PTBP1: variants seen among roughly 807,000 people sequenced by gnomAD.
PTBP1 encodes polypyrimidine tract binding protein 1.
A neutral mutation model predicts 59.8 loss-of-function variants in PTBP1; 8 were observed. That is an observed-to-expected ratio of 0.13 (90% CI 0.08 to 0.24). The LOEUF (loss-of-function observed/expected upper bound fraction) is 0.24. Among genes scored for constraint, PTBP1 ranks in the 10% least tolerant of loss-of-function variants. PTBP1 has a pLI of 1.00. For synonymous variants in PTBP1, 490 were observed against 320.7 expected (o/e 1.53, Z -5.64); for missense variants, 686 against 767.0 (o/e 0.89, Z 1.25).
chr19:805,021 C>G lies in PTBP1; in HGVS notation c.726C>G (p.Asp242Glu), dbSNP rs754600468. Residue 242 changes from aspartate to glutamate, a missense_variant, in exon 8 of 15, where the codon GAC becomes GAG. By Grantham distance (45) the Asp-to-Glu change is conservative. Transcript: ENST00000356948. ...VSAQHAKLSL[D>E]GQNIYNACCT... ...GGTCCCTCTCCCCTCAGTCGCTGGA[C>G]GGGCAGAACATCTACAACGCCTGCT... The G allele has an allele frequency of 1.2e-6, 2 of 1,613,580 alleles. No homozygotes were observed. Among genetic ancestry groups the G allele is most frequent in the Admixed American group, 3.3e-5 (2 of 60,002 alleles).
rs959939008 is a variant in PTBP1 at position 804,029 on chromosome 19, T to C, written c.116-7T>C. 6 of 1,613,740 alleles carry C rather than the reference T, an allele frequency of 3.7e-6. No homozygotes were observed. In the African/African-American group the frequency reaches 6.7e-5, roughly 18 times the overall value. ...GGTGCCTGCATCTCATGGCACCCCCTTTTCAGCAAACGGAAATGACAGCAA... is the reference window on the plus strand; with the variant it reads ...GGTGCCTGCATCTCATGGCACCCCCCTTTCAGCAAACGGAAATGACAGCAA... On this transcript the variant is annotated splice_region_variant and splice_polypyrimidine_tract_variant and intron_variant, in intron 3 of 14. Transcript: ENST00000356948.
In PTBP1 at chr19:810,525, G is replaced by T; in HGVS notation, c.1464-18G>T. 2 of 1,611,522 alleles carry T rather than the reference G, an allele frequency of 1.2e-6. No homozygotes were observed. Among genetic ancestry groups the T allele is most frequent in the South Asian group, 1.1e-5 (1 of 90,808 alleles). On this transcript the variant is annotated intron_variant, in intron 13 of 14. Transcript: ENST00000356948. ...CACCCCCACGCGGCCCCAGGCTCAC[G>T]CCTTTCTCCTCCCACAGGCCCTCAG...
intron 2 of PTBP1, among the ~76,000 whole-genome samples, chr19:803,279 G>A (rs2034417003): frequency 6.6e-6 from 1 of 152,222 alleles, no homozygotes; most frequent in African/African-American, 2.4e-5. Context: ...TGTACGTGGT[G>A]CCCTCCGTAG....
In PTBP1 at chr19:804,031, T is replaced by C. The variant is rs1444163054; in HGVS notation, c.116-5T>C. ...TGCCTGCATCTCATGGCACCCCCTT[T>C]TCAGCAAACGGAAATGACAGCAAGA... is the stretch of plus-strand genomic sequence containing the variant. On this transcript the variant is annotated splice_region_variant and splice_polypyrimidine_tract_variant and intron_variant, in intron 3 of 14. Coordinates refer to ENST00000356948, the MANE Select transcript of PTBP1 (RefSeq NM_002819.5). The C allele has an allele frequency of 1.2e-6, 2 of 1,613,916 alleles. No individual in the cohort carries two copies. The highest frequency in any genetic ancestry group is 1.7e-6 in the Non-Finnish European group (2 of 1,179,976).
chr19:808,677 C>T lies in PTBP1; in HGVS notation c.1378C>T (p.Pro460Ser), dbSNP rs1199548001. The T allele has an allele frequency of 3.7e-6, 6 of 1,612,768 alleles. No individual in the cohort carries two copies. Among genetic ancestry groups the T allele is most frequent in the Middle Eastern group, 1.8e-4 (1 of 5,512 alleles). The change falls in exon 13 of 15, where the codon CCC (proline) becomes TCC (serine). Residue 460 changes from proline (P) to serine (S), a missense_variant. Physicochemically the swap from Pro to Ser is moderately conservative, Grantham distance 74. Transcript: ENST00000356948. This position sits in a 1 kb window ranked among gnomAD's most constrained non-coding sequence, Gnocchi z 4.7. Reference sequence around the variant, plus strand: ...CCTGACCAAGGACTACGGCAACTCACCCCTGCACCGCTTCAAGAAGCCGGG... The same window carrying T: ...CCTGACCAAGGACTACGGCAACTCATCCCTGCACCGCTTCAAGAAGCCGGG... Reference protein sequence around the residue: ...QGLTKDYGNSPLHRFKKPGSK... With the variant: ...QGLTKDYGNSSLHRFKKPGSK...
At chr19:803,264 G>GA (rs1476981873) in intron 2 of PTBP1, among the ~76,000 whole-genome samples, 1 of 152,214 alleles carries the variant, frequency 6.6e-6, no homozygotes, top group African/African-American at 2.4e-5. Flanking sequence ...TGGCCGTGGA[G>GA]ATAGTGTACG....
chr19:797,838 C>G (rs2034140593), intron 1 of PTBP1, among the ~76,000 whole-genome samples: 1 of 148,762 alleles, frequency 6.7e-6, no homozygotes, highest in Non-Finnish European at 1.5e-5. Flanking sequence ...CTTCCCGCTT[C>G]CCGTCCGGCC....
Position 808,407 on chromosome 19 carries a change from G to A in PTBP1, c.1201G>A (p.Glu401Lys), listed in dbSNP as rs746940924. 1 of 1,607,560 alleles carries A rather than the reference G, an allele frequency of 6.2e-7. No homozygotes were observed. The highest frequency in any genetic ancestry group is 8.5e-7 in the Non-Finnish European group (1 of 1,178,160). Residue 401 changes from glutamate to lysine, a missense_variant, in exon 12 of 15, where the codon GAG becomes AAG. Transcript: ENST00000356948. The surrounding 1 kb of genome is among the most constrained non-coding windows in gnomAD (Gnocchi z 4.7). ...CGTGAAGATCCTGTTCAATAAGAAG[G>A]AGAACGCCCTAGTGCAGATGGCGGA... ...QRVKILFNKK[E>K]NALVQMADGN...
Position 804,612 on chromosome 19 carries a change from C to T in PTBP1, c.516C>T (p.Asp172=), listed in dbSNP as rs4986235. The change falls in exon 6 of 15, where the codon GAC becomes GAT. Residue 172 remains aspartate, a synonymous_variant. Transcript: ENST00000356948. ...TGGCTGCCTCGGCGGCGGCCGTGGA[C>T]GCAGGGATGGCGATGGCCGGGCAGA... ...LALAASAAAV[D]AGMAMAGQSP... The T allele has an allele frequency of 0.089, 143,911 of 1,612,380 alleles. 7,066 individuals carry two copies. Among genetic ancestry groups the T allele is most frequent in the Middle Eastern group, 0.16 (970 of 6,058 alleles).
chr19:806,441 C>G lies in PTBP1; in HGVS notation c.1004C>G (p.Ala335Gly). ...GTTCCGAACGTCCACGGCGCCCTGG[C>G]CCCCCTGGCCATCCCCTCGGCGGCG... ...LSVPNVHGAL[A>G]PLAIPSAAAA... is the part of the protein sequence containing the mutation. Residue 335 changes from alanine (A) to glycine (G), a missense_variant, in exon 10 of 15, where the codon GCC becomes GGC. Physicochemically the swap from Ala to Gly is moderately conservative, Grantham distance 60. Transcript: ENST00000356948. 1 of 1,601,100 alleles carries G rather than the reference C, an allele frequency of 6.2e-7. No homozygotes were observed. The highest frequency in any genetic ancestry group is 8.5e-7 in the Non-Finnish European group (1 of 1,174,068).
At chr19:801,266 A>AGGCCCAGCTC (rs2034320160) in intron 2 of PTBP1, among the ~76,000 whole-genome samples, 1 of 152,204 alleles carries the variant, frequency 6.6e-6, no homozygotes, top group Non-Finnish European at 1.5e-5. Context: ...TGGAGGCGCT[A>AGGCCCAGCTC]GGCCCAGCTC....
chr19:805,051 G>T lies in PTBP1; in HGVS notation c.756G>T (p.Thr252=), dbSNP rs776111976. The change falls in exon 8 of 15, where the codon ACG becomes ACT. Residue 252 remains threonine (T), a synonymous_variant. Transcript: ENST00000356948. ...DGQNIYNACC[T]LRIDFSKLTS... ...AGAACATCTACAACGCCTGCTGCAC[G>T]CTGCGCATCGACTTTTCCAAGCTCA... 36 of 1,613,684 alleles carry T rather than the reference G, an allele frequency of 2.2e-5. No individual in the cohort carries two copies. The highest frequency in any genetic ancestry group is 2.9e-5 in the Non-Finnish European group (34 of 1,179,866).
intron 8 of PTBP1, 62 bp downstream of exon 8, chr19:805,249 G>A (rs181418651): frequency 6.4e-6 from 10 of 1,572,940 alleles, no homozygotes; most frequent in East Asian, 2.2e-5. Flanking sequence ...GCTCAGTCCG[G>A]AGCCCCGGCG....
chr19:810,916 C>G lies in PTBP1; in HGVS notation c.*90C>G. On this transcript the variant is annotated 3_prime_UTR_variant, in exon 15 of 15. Coordinates refer to ENST00000356948, the MANE Select transcript of PTBP1 (RefSeq NM_002819.5). ...TTAAAAACAGCTGAAGTGACCTTAG[C>G]AGACCAGAGATTTTATTTTTTTAAA... The G allele has an allele frequency of 8.1e-7, 1 of 1,238,008 alleles. No homozygotes were observed. The highest frequency in any genetic ancestry group is 1.1e-6 in the Non-Finnish European group (1 of 921,622). The allele number at this position is 1,238,008 out of a possible 1,614,324, so 76.7% of individuals were successfully genotyped here.
At chr19:800,034 C>T (rs2034261785) in intron 2 of PTBP1, among the ~76,000 whole-genome samples, 1 of 151,826 alleles carries the variant, frequency 6.6e-6, no homozygotes, top group Non-Finnish European at 1.5e-5. Context: ...TCAAGCGATT[C>T]TCCTGCCTCA....
chr19:801,174 C>T (rs1425837879), intron 2 of PTBP1, among the ~76,000 whole-genome samples: 1 of 152,178 alleles, frequency 6.6e-6, no homozygotes, highest in Non-Finnish European at 1.5e-5. Flanking sequence ...AGTCCTGGGG[C>T]GTTTCCTGTC....
intron 3 of PTBP1, 23 bp from the exon 4 acceptor site, chr19:804,013 A>G (rs351982): frequency 0.068 from 109,916 of 1,613,180 alleles, 6,635 homozygotes; most frequent in African/African-American, 0.32. Flanking sequence ...TGGTGCCTGC[A>G]TCTCATGGCA....
chr19:807,766 G>C, intron 10 of PTBP1, 103 bp from the exon 11 acceptor site: 1 of 864,640 alleles, frequency 1.2e-6, no homozygotes, highest in Non-Finnish European at 1.9e-6. Flanking sequence ...ACCACTGCAC[G>C]CCTGCGGGGA....
At position 812,088 on chromosome 19, in the gene PTBP1, T is replaced by C. The variant is rs1268974631; in HGVS notation, c.*1262T>C. 2 of 152,286 alleles carry C rather than the reference T, an allele frequency of 1.3e-5. No homozygotes were observed. Among genetic ancestry groups the C allele is most frequent in the Non-Finnish European group, 2.9e-5 (2 of 68,006 alleles). The allele number at this position is 152,286 out of a possible 1,614,324, so 9.4% of individuals were successfully genotyped here. A position where few individuals can be genotyped will look rare whatever the true frequency, so the allele number is the denominator to read the frequency against. ...GCGCGGTTTTTTATGGTGACACAAA[T>C]GTATATTTTGCTAACAGCAATTCCA... On this transcript the variant is annotated 3_prime_UTR_variant, in exon 15 of 15. Coordinates refer to ENST00000356948, the MANE Select transcript of PTBP1 (RefSeq NM_002819.5).
Sources: allele counts gnomAD v4.1 joint callset (sites outside exome capture counted in the v4.1 genomes callset), GRCh38; gene constraint gnomAD v4.1.1; non-coding constraint Gnocchi (gnomAD v3.1); transcripts MANE v1.5; gene names NCBI Gene and HGNC (gene_info 2026-07-23, HGNC 2026-07-21).